Variants in MCC observed in about 807,000 individuals in gnomAD.
MCC encodes the protein colorectal mutant cancer protein.
A neutral mutation model predicts 116.2 loss-of-function variants in MCC; 90 were observed. That is an observed-to-expected ratio of 0.77 (90% CI 0.65 to 0.92). MCC has a LOEUF of 0.92. Among genes scored for constraint, MCC ranks in the 40% least tolerant of loss-of-function variants. The pLI is 0.00. For missense variants in MCC, 1,516 were observed against 1,312.2 expected (o/e 1.16, Z -2.40); for synonymous variants, 578 against 510.5 (o/e 1.13, Z -1.78).
At chr5:113,292,454 A>G (rs1055180354) in intron 3 of MCC, among the ~76,000 whole-genome samples, 1 of 152,188 alleles carries the variant, frequency 6.6e-6, no homozygotes, top group African/African-American at 2.4e-5. Flanking sequence ...TTCCTTAGGA[A>G]CAATATTATG....
chr5:113,412,562 GCTCT>G (rs997524958), intron 1 of MCC, among the ~76,000 whole-genome samples: 30 of 152,088 alleles, frequency 2.0e-4, no homozygotes, highest in East Asian at 1.7e-3. Flanking sequence ...TCATAATTTG[GCTCT>G]CTGTTTGTCT....
At chr5:113,342,667 AT>A in intron 2 of MCC, among the ~76,000 whole-genome samples, 1 of 152,326 alleles carries the variant, frequency 6.6e-6, no homozygotes, top group East Asian at 1.9e-4. Context: ...AAAAAAATAG[AT>A]TTGAGGTAAA....
At chr5:113,485,254 T>C (rs1466716311) in intron 1 of MCC, among the ~76,000 whole-genome samples, 1 of 152,080 alleles carries the variant, frequency 6.6e-6, no homozygotes, top group East Asian at 1.9e-4. Flanking sequence ...AGCCTACTCC[T>C]GTTTAGAATG....
chr5:113,258,952 C>G (rs1210036428), intron 3 of MCC, among the ~76,000 whole-genome samples: 1 of 152,220 alleles, frequency 6.6e-6, no homozygotes, highest in African/African-American at 2.4e-5. Flanking sequence ...TGTACTACTC[C>G]GACCACATAA....
intron 3 of MCC, among the ~76,000 whole-genome samples, chr5:113,320,452 C>CA (rs5870537): frequency 0.44 from 58,118 of 132,278 alleles, 12,291 homozygotes; most frequent in Non-Finnish European, 0.5. Flanking sequence ...AGACTCATTG[C>CA]AAAAAAAAAA....
Position 113,025,955 on chromosome 5 carries a change from T to C in MCC, c.*1347A>G, listed in dbSNP as rs1750518129. The C allele has an allele frequency of 6.6e-6, 1 of 152,232 alleles. No homozygotes were observed. The highest frequency in any genetic ancestry group is 6.5e-5 in the Admixed American group (1 of 15,292). 9.4% of individuals were successfully genotyped at this position (152,232 alleles called of 1,614,324 possible). A position where few individuals can be genotyped will look rare whatever the true frequency, so the allele number is the denominator to read the frequency against. On this transcript the variant is annotated 3_prime_UTR_variant, in exon 19 of 19. Transcript: ENST00000408903. ...CTATGGCAATGGAACACATTTTTCA[T>C]AGGGAACTTTGGATGGATTCTCTGG... is the stretch of plus-strand genomic sequence containing the variant.
rs146683345 is a variant in MCC at position 113,211,593 on chromosome 5, A to C, written c.628-60171T>G. On this transcript the variant is annotated intron_variant, in intron 3 of 18. Transcript: ENST00000408903. ...TCCATGTTAACTTTTCATGTAAGGT[A>C]CTGTCAGCATATCTAAAGATCAGAA... Among the ~76,000 whole-genome samples the C allele has an allele frequency of 6.3e-3, 963 of 152,332 alleles. 9 individuals carry two copies. Among genetic ancestry groups the C allele is most frequent in the South Asian group, 0.011 (55 of 4,828 alleles).
Position 113,022,223 on chromosome 5 carries a change from A to G in MCC, c.*5079T>C, listed in dbSNP as rs918511459. ...CTATATCAAATAACGCAAAGTAGCT[A>G]TTTTACAGCAGCTAAAACTAAAGGC... On this transcript the variant is annotated 3_prime_UTR_variant, in exon 19 of 19. Transcript: ENST00000408903. The G allele has an allele frequency of 6.5e-6, 1 of 152,692 alleles. No individual in the cohort carries two copies. Among genetic ancestry groups the G allele is most frequent in the Non-Finnish European group, 1.5e-5 (1 of 68,038 alleles). The allele number at this position is 152,692 out of a possible 1,614,324, so 9.5% of individuals were successfully genotyped here. A position where few individuals can be genotyped will look rare whatever the true frequency, so the allele number is the denominator to read the frequency against.
At chr5:113,232,167 C>T (rs1403005039) in intron 3 of MCC, among the ~76,000 whole-genome samples, 2 of 152,076 alleles carry the variant, frequency 1.3e-5, no homozygotes, top group Non-Finnish European at 2.9e-5. Context: ...ATTTTCTAAA[C>T]TCCAGGGGAA....
intron 8 of MCC, among the ~76,000 whole-genome samples, chr5:113,091,792 G>A (rs1170229266): frequency 6.6e-6 from 1 of 152,094 alleles, no homozygotes; most frequent in Non-Finnish European, 1.5e-5. Context: ...GGCTGAGGTG[G>A]GAGGATTGCT....
intron 1 of MCC, among the ~76,000 whole-genome samples, chr5:113,412,225 T>C (rs1420609968): frequency 1.3e-5 from 2 of 152,208 alleles, no homozygotes; most frequent in African/African-American, 4.8e-5. Context: ...AGCTTTGTTC[T>C]TTTTGCTTAG....
intron 1 of MCC, among the ~76,000 whole-genome samples, chr5:113,412,483 T>A (rs2150403324): frequency 6.6e-6 from 1 of 152,352 alleles, no homozygotes; most frequent in East Asian, 1.9e-4. Context: ...AAGAGGTCCT[T>A]CACATCCCTT....
intron 6 of MCC, among the ~76,000 whole-genome samples, chr5:113,107,476 C>T (rs62374709): frequency 0.077 from 11,693 of 152,058 alleles, 1,303 homozygotes; most frequent in African/African-American, 0.25. Flanking sequence ...TTGTTGTGGA[C>T]CTCGACCTGA....
In MCC at chr5:113,340,633, C is replaced by A. The variant is rs776475122; in HGVS notation, c.513G>T (p.Leu171=). Residue 171 remains leucine, a synonymous_variant, in exon 3 of 19, where the codon CTG becomes CTT. Coordinates refer to ENST00000408903, the MANE Select transcript of MCC (RefSeq NM_001085377.2). ...GCAAAGAGCTTCCGCCATACTCGAGCAGCTTCTGGAGGGCTGACTGGCTCT... is the reference window on the plus strand; with the variant it reads ...GCAAAGAGCTTCCGCCATACTCGAGAAGCTTCTGGAGGGCTGACTGGCTCT... ...DVQSQSALQK[L]LEYGGSSLHQ... The A allele has an allele frequency of 6.2e-7, 1 of 1,614,044 alleles. No homozygotes were observed. The highest frequency in any genetic ancestry group is 8.5e-7 in the Non-Finnish European group (1 of 1,180,020).
At chr5:113,151,634 T>C (rs963820196) in intron 3 of MCC, among the ~76,000 whole-genome samples, 3 of 152,316 alleles carry the variant, frequency 2.0e-5, no homozygotes, top group Non-Finnish European at 4.4e-5. Flanking sequence ...CTAAATATTA[T>C]GTGTGGGACA....
In MCC at chr5:113,418,923, A is replaced by T. The variant is rs369599974; in HGVS notation, c.171-33711T>A. Reference sequence around the variant, plus strand: ...CTCCTCTTCGTGTCTCTCCCAGAACATCACAAAAGGCACAACCAACCAAAG... The same window carrying T: ...CTCCTCTTCGTGTCTCTCCCAGAACTTCACAAAAGGCACAACCAACCAAAG... On this transcript the variant is annotated intron_variant, in intron 1 of 18. Coordinates refer to ENST00000408903, the MANE Select transcript of MCC (RefSeq NM_001085377.2). Among the ~76,000 whole-genome samples, 59 of 152,316 alleles carry T rather than the reference A, an allele frequency of 3.9e-4. 3 individuals are homozygous for T. In the East Asian group the frequency reaches 0.011, roughly 28 times the overall value.
intron 3 of MCC, among the ~76,000 whole-genome samples, chr5:113,287,217 T>C (rs1766296726): frequency 1.3e-5 from 2 of 149,254 alleles, no homozygotes; most frequent in Admixed American, 6.9e-5. Flanking sequence ...TCTGATTTTA[T>C]AACCTTGCCA....
intron 3 of MCC, among the ~76,000 whole-genome samples, chr5:113,157,880 A>G (rs1760261346): frequency 1.3e-5 from 2 of 152,242 alleles, no homozygotes; most frequent in South Asian, 4.1e-4. Context: ...CAGACCAATT[A>G]TTAACAATAT....
chr5:113,159,629 C>T (rs1760371372), intron 3 of MCC, among the ~76,000 whole-genome samples: 1 of 152,194 alleles, frequency 6.6e-6, no homozygotes, highest in Admixed American at 6.5e-5. Context: ...AACATCTGCA[C>T]ATGAAAAAGC....
Sources: allele counts gnomAD v4.1 joint callset (sites outside exome capture counted in the v4.1 genomes callset), GRCh38; gene constraint gnomAD v4.1.1; transcripts MANE v1.5; gene names NCBI Gene and HGNC (gene_info 2026-07-23, HGNC 2026-07-21).